ERBB4: variants seen among roughly 807,000 people sequenced by gnomAD.
The protein encoded by ERBB4 is receptor tyrosine-protein kinase erbB-4.
A neutral mutation model predicts 158.0 loss-of-function variants in ERBB4; 42 were observed. That is an observed-to-expected ratio of 0.27 (90% confidence interval 0.21 to 0.34). The LOEUF is 0.34. Ranked by LOEUF, ERBB4 falls within the 10% of genes least tolerant of loss-of-function variation. ERBB4 has a pLI of 1.00. For missense variants in ERBB4, 1,333 were observed against 1,624.1 expected, an observed-to-expected ratio of 0.82 and a Z score of 3.08; for synonymous variants, 583 against 558.7, an observed-to-expected ratio of 1.04 and a Z score of -0.61.
At chr2:212,179,948 T>G (rs970455246) in intron 1 of ERBB4, among the ~76,000 whole-genome samples, 1 of 151,642 alleles carries the variant, frequency 6.6e-6, no homozygotes, top group Non-Finnish European at 1.5e-5. Context: ...GAATAATAGA[T>G]GATAAAAAAT....
intron 19 of ERBB4, among the ~76,000 whole-genome samples, chr2:211,588,035 T>G (rs1223291322): frequency 1.3e-5 from 2 of 152,194 alleles, no homozygotes; most frequent in African/African-American, 2.4e-5. Flanking sequence ...GTTTGAAGAA[T>G]GTGACCGTTT....
At position 212,322,409 on chromosome 2, in the gene ERBB4, A is replaced by G. The variant is rs530957655; in HGVS notation, c.83-197506T>C. ...CTCAAAAAATTGCCTTTCTCTTAAA[A>G]TCCAAACCTCTTTAAAAGCTATAAA... On this transcript the variant is annotated intron_variant, in intron 1 of 27. Transcript: ENST00000342788. Among the ~76,000 whole-genome samples, 400 of 148,336 alleles carry G rather than the reference A, an allele frequency of 2.7e-3. 26 individuals are homozygous for G. Among genetic ancestry groups the G allele is most frequent in the Non-Finnish European group, 4.7e-3 (310 of 66,518 alleles).
chr2:211,463,126 T>C (rs1235289091), intron 20 of ERBB4, among the ~76,000 whole-genome samples: 2 of 152,158 alleles, frequency 1.3e-5, no homozygotes, highest in African/African-American at 2.4e-5. Context: ...AGATGCTCTT[T>C]AGTTACATGC....
chr2:211,903,658 C>T (rs760250402), intron 3 of ERBB4, among the ~76,000 whole-genome samples: 33 of 151,766 alleles, frequency 2.2e-4, no homozygotes, highest in Non-Finnish European at 4.3e-4. Context: ...AGAAACCCAA[C>T]AAGAAATGCC....
chr2:211,889,459 CAGAA>C (rs902926155), intron 3 of ERBB4, among the ~76,000 whole-genome samples: 2 of 151,002 alleles, frequency 1.3e-5, no homozygotes, highest in African/African-American at 2.5e-5. Context: ...AAAAACAGAA[CAGAA>C]AAACTGGAAA....
At chr2:211,744,159 T>C (rs1475479933) in intron 5 of ERBB4, among the ~76,000 whole-genome samples, 1 of 152,190 alleles carries the variant, frequency 6.6e-6, no homozygotes, top group Non-Finnish European at 1.5e-5. Flanking sequence ...CAGCTACTAG[T>C]TTCACAGTTT....
chr2:212,180,545 T>C (rs1315239305), intron 1 of ERBB4, among the ~76,000 whole-genome samples: 1 of 151,670 alleles, frequency 6.6e-6, no homozygotes, highest in Non-Finnish European at 1.5e-5. Context: ...GGTCACCCCA[T>C]TACAGATTTC....
chr2:211,934,408 T>C (rs917914694), intron 3 of ERBB4, among the ~76,000 whole-genome samples: 1 of 152,016 alleles, frequency 6.6e-6, no homozygotes. Flanking sequence ...GGAGTGGCTA[T>C]AATGTATGAA....
intron 1 of ERBB4, among the ~76,000 whole-genome samples, chr2:212,222,330 A>C (rs1559779954): frequency 6.6e-6 from 1 of 151,526 alleles, no homozygotes; most frequent in Non-Finnish European, 1.5e-5. Context: ...GCTTCCTTAA[A>C]AGCTCTCATT....
intron 7 of ERBB4, among the ~76,000 whole-genome samples, chr2:211,716,478 C>T (rs2073910802): frequency 6.6e-6 from 1 of 151,028 alleles, no homozygotes. Context: ...AGATCGAGAC[C>T]ATCCCGGCTA....
intron 20 of ERBB4, among the ~76,000 whole-genome samples, chr2:211,493,675 A>ATAT (rs1559224372): frequency 1.3e-5 from 2 of 151,480 alleles, no homozygotes; most frequent in African/African-American, 2.4e-5. Flanking sequence ...GATTTGAAAT[A>ATAT]TATATTTTTT....
At position 211,381,044 on chromosome 2, in the gene ERBB4, T is replaced by A. The variant is rs906424694; in HGVS notation, c.*2571A>T. 4.3e-6 allele frequency: 1 copy of A among 232,268 alleles called. No homozygotes were observed. Among genetic ancestry groups the A allele is most frequent in the African/African-American group, 2.2e-5 (1 of 45,282 alleles). 14.4% of individuals were successfully genotyped at this position (232,268 alleles called of 1,614,324 possible). On this transcript the variant is annotated 3_prime_UTR_variant, in exon 28 of 28. Transcript: ENST00000342788. ...AGGCTTATATTCAATTTTTCATAAG[T>A]ACTGATATGAGATCCCTTTTCCTAG...
intron 23 of ERBB4, among the ~76,000 whole-genome samples, chr2:211,423,897 T>C (rs899896344): frequency 6.6e-6 from 1 of 151,900 alleles, no homozygotes; most frequent in Non-Finnish European, 1.5e-5. Context: ...TGTGACTAAT[T>C]ACCTCTCTTT....
At chr2:211,813,024 T>C (rs575913659) in intron 3 of ERBB4, among the ~76,000 whole-genome samples, 84 of 152,308 alleles carry the variant, frequency 5.5e-4, no homozygotes, top group African/African-American at 1.9e-3. Flanking sequence ...TCCCGCCCTG[T>C]TCCAGCTCGC....
intron 20 of ERBB4, among the ~76,000 whole-genome samples, chr2:211,557,372 A>T (rs1006331241): frequency 6.6e-6 from 1 of 152,220 alleles, no homozygotes; most frequent in East Asian, 1.9e-4. Flanking sequence ...TGCATTCAAC[A>T]AAGATCTAAT....
intron 2 of ERBB4, among the ~76,000 whole-genome samples, chr2:211,952,944 T>A (rs570766880): frequency 6.6e-6 from 1 of 152,204 alleles, no homozygotes; most frequent in South Asian, 2.1e-4. Flanking sequence ...ATGTAACCTT[T>A]GGTACATTTA....
intron 20 of ERBB4, among the ~76,000 whole-genome samples, chr2:211,432,975 G>A (rs184331129): frequency 2.0e-5 from 3 of 152,280 alleles, no homozygotes; most frequent in South Asian, 2.1e-4. Flanking sequence ...GCAAGTATGC[G>A]TGAGAGGAGA....
chr2:211,593,866 C>A (rs763656435), intron 19 of ERBB4, among the ~76,000 whole-genome samples: 2 of 152,150 alleles, frequency 1.3e-5, no homozygotes, highest in Admixed American at 6.5e-5. Flanking sequence ...AACTTACACC[C>A]CTTCCCAGAG....
chr2:212,420,467 G>A (rs986098984), intron 1 of ERBB4, among the ~76,000 whole-genome samples: 1 of 152,090 alleles, frequency 6.6e-6, no homozygotes, highest in African/African-American at 2.4e-5. Context: ...TATTTGGTCA[G>A]TTATTATACT....
Sources: allele counts gnomAD v4.1 joint callset (sites outside exome capture counted in the v4.1 genomes callset), GRCh38; gene constraint gnomAD v4.1.1; transcripts MANE v1.5; gene names NCBI Gene and HGNC (gene_info 2026-07-23, HGNC 2026-07-21).